SYTL3: variants seen among roughly 807,000 people sequenced by gnomAD.
SYTL3 encodes the protein synaptotagmin-like protein 3.
SYTL3 carries 88 observed loss-of-function variants against 82.1 expected under a neutral mutation model. That is an observed-to-expected ratio of 1.07 (90% confidence interval 0.90 to 1.28). The LOEUF (loss-of-function observed/expected upper bound fraction) is 1.28, where lower values mean the gene tolerates loss of function less well. Ranked by LOEUF, SYTL3 falls within the 50% of genes most tolerant of loss-of-function variation. SYTL3 has a pLI of 0.00. For synonymous variants in SYTL3, 311 were observed against 289.4 expected, an observed-to-expected ratio of 1.07 and a Z score of -0.76; for missense variants, 831 against 757.6, an observed-to-expected ratio of 1.10 and a Z score of -1.14.
At chr6:158,652,552 T>G (rs1030945198) in intron 2 of SYTL3, among the ~76,000 whole-genome samples, 1 of 151,638 alleles carries the variant, frequency 6.6e-6, no homozygotes, top group Non-Finnish European at 1.5e-5. Context: ...CCCGGCCTTA[T>G]TTATTTTTTT....
intron 7 of SYTL3, among the ~76,000 whole-genome samples, chr6:158,707,631 A>G (rs1381951271): frequency 2.0e-5 from 3 of 152,144 alleles, no homozygotes; most frequent in Non-Finnish European, 4.4e-5. Context: ...TATCTCTAAC[A>G]CCCTACCCAG....
At position 158,762,152 on chromosome 6, in the gene SYTL3, T is replaced by C; in HGVS notation, c.1491T>C (p.Asp497=). 6.2e-7 allele frequency: 1 copy of C among 1,613,858 alleles called. No homozygotes were observed. The highest frequency in any genetic ancestry group is 8.5e-7 in the Non-Finnish European group (1 of 1,179,892). ...LGAKNLPVRP[D]GTLNSFVKGC... ...CCAAGAATTTACCTGTGCGGCCAGA[T>C]GGCACCTTGAACTCATTTGTTAAGG... The change falls in exon 16 of 18, where the codon GAT becomes GAC. Residue 497 remains aspartate, a synonymous_variant. Transcript: ENST00000611299.
At chr6:158,721,601 G>A (rs1784116672) in intron 10 of SYTL3, among the ~76,000 whole-genome samples, 1 of 151,564 alleles carries the variant, frequency 6.6e-6, no homozygotes, top group Non-Finnish European at 1.5e-5. Context: ...ATAACTATTG[G>A]GTTGAAATAT....
intron 11 of SYTL3, among the ~76,000 whole-genome samples, chr6:158,727,913 C>T (rs561006182): frequency 2.0e-5 from 3 of 152,168 alleles, no homozygotes; most frequent in Non-Finnish European, 2.9e-5. Context: ...GATGAGCTGT[C>T]GCCTTGTGAG....
chr6:158,694,525 G>A (rs1304253620), intron 6 of SYTL3, among the ~76,000 whole-genome samples: 1 of 151,744 alleles, frequency 6.6e-6, no homozygotes, highest in Non-Finnish European at 1.5e-5. Flanking sequence ...GAACTCCTGG[G>A]CTCAAGTGAT....
intron 11 of SYTL3, among the ~76,000 whole-genome samples, chr6:158,735,426 A>G (rs1240470801): frequency 6.6e-6 from 1 of 152,156 alleles, no homozygotes; most frequent in African/African-American, 2.4e-5. Context: ...ATTTTTCTAA[A>G]GTTTTCTCTG....
intron 11 of SYTL3, among the ~76,000 whole-genome samples, chr6:158,738,596 C>A (rs1786508153): frequency 6.6e-6 from 1 of 152,162 alleles, no homozygotes; most frequent in Non-Finnish European, 1.5e-5. Flanking sequence ...AATAAAACAC[C>A]TTCACTAAAC....
intron 10 of SYTL3, among the ~76,000 whole-genome samples, chr6:158,721,141 G>A (rs1362996369): frequency 6.6e-6 from 1 of 152,198 alleles, no homozygotes; most frequent in Non-Finnish European, 1.5e-5. Context: ...TCTCAGCCAT[G>A]CTCTTGGCAG....
intron 6 of SYTL3, among the ~76,000 whole-genome samples, chr6:158,694,657 T>G (rs538832958): frequency 6.6e-6 from 1 of 152,318 alleles, no homozygotes; most frequent in South Asian, 2.1e-4. Context: ...ACACAAAAAT[T>G]GAATTGATTA....
intron 15 of SYTL3, among the ~76,000 whole-genome samples, chr6:158,761,326 A>G (rs13216467): frequency 0.56 from 65,612 of 117,944 alleles, 17,557 homozygotes; most frequent in African/African-American, 0.64. Flanking sequence ...TTTTTGAGAC[A>G]GAGTTTTGCT....
At chr6:158,683,345 G>A (rs1267697722) in intron 6 of SYTL3, among the ~76,000 whole-genome samples, 1 of 150,480 alleles carries the variant, frequency 6.6e-6, no homozygotes, top group African/African-American at 2.5e-5. Flanking sequence ...CTCAGCCTCC[G>A]GAGTACCTGG....
chr6:158,731,100 A>G (rs1249028536), intron 11 of SYTL3, among the ~76,000 whole-genome samples: 2 of 152,034 alleles, frequency 1.3e-5, no homozygotes, highest in Admixed American at 1.3e-4. Context: ...CTGGCCAACA[A>G]AGTGAAACCA....
intron 6 of SYTL3, among the ~76,000 whole-genome samples, chr6:158,692,349 A>T (rs1779996585): frequency 6.7e-6 from 1 of 149,338 alleles, no homozygotes; most frequent in Admixed American, 6.7e-5. Flanking sequence ...TATTTCTAAT[A>T]GTTAGGGAAA....
chr6:158,754,413 G>A (rs993171313), intron 13 of SYTL3, among the ~76,000 whole-genome samples: 1 of 152,214 alleles, frequency 6.6e-6, no homozygotes, highest in African/African-American at 2.4e-5. Context: ...ATGGAAAATA[G>A]GTCTGGTTTG....
intron 13 of SYTL3, among the ~76,000 whole-genome samples, 196 bp downstream of exon 13, chr6:158,752,226 TG>T (rs1463445881): frequency 6.6e-6 from 1 of 152,212 alleles, no homozygotes; most frequent in Non-Finnish European, 1.5e-5. Context: ...ACAGGAAAAG[TG>T]CAGAGTCTGC....
At chr6:158,688,470 A>G (rs1320757533) in intron 6 of SYTL3, among the ~76,000 whole-genome samples, 1 of 152,206 alleles carries the variant, frequency 6.6e-6, no homozygotes, top group African/African-American at 2.4e-5. Flanking sequence ...ACATTCACGT[A>G]AAAAACTAGA....
intron 5 of SYTL3, among the ~76,000 whole-genome samples, chr6:158,675,840 C>G (rs1258682687): frequency 1.3e-5 from 2 of 152,176 alleles, no homozygotes; most frequent in African/African-American, 4.8e-5. Flanking sequence ...GTCCCAGCTG[C>G]TCAGGAGGCT....
rs1184829959 is a variant in SYTL3, at chr6:158,676,292, C to A, written c.330-6633C>A. On this transcript the variant is annotated intron_variant, in intron 5 of 17. Coordinates refer to ENST00000611299, the MANE Select transcript of SYTL3 (RefSeq NM_001242394.2). ...TGATCTTTGACAAACCTGACAAAAA[C>A]AAGCAATGGGGAAAGGATTCCCTAT... Among the ~76,000 whole-genome samples, 3 of 152,108 alleles carry A rather than the reference C, an allele frequency of 2.0e-5. No individual in the cohort carries two copies. In the East Asian group the frequency reaches 5.8e-4, roughly 29 times the overall value.
At chr6:158,740,999 CTGTT>C (rs554522001) in intron 11 of SYTL3, among the ~76,000 whole-genome samples, 435 of 152,268 alleles carry the variant, frequency 2.9e-3, no homozygotes, top group African/African-American at 9.3e-3. Context: ...AAGTAGTAGT[CTGTT>C]GGCAAGAGGT....
Sources: allele counts gnomAD v4.1 joint callset (sites outside exome capture counted in the v4.1 genomes callset), GRCh38; gene constraint gnomAD v4.1.1; transcripts MANE v1.5; gene names NCBI Gene and HGNC (gene_info 2026-07-23, HGNC 2026-07-21).